TMEM132B: variants seen among roughly 807,000 people sequenced by gnomAD.
TMEM132B encodes the protein transmembrane protein 132B.
In TMEM132B, 18 loss-of-function variants were observed where a neutral mutation model predicts 90.8. The observed-to-expected ratio is 0.20, with a 90% CI of 0.14 to 0.29. The LOEUF (loss-of-function observed/expected upper bound fraction) is 0.29. Among genes scored for constraint, TMEM132B ranks in the 10% least tolerant of loss-of-function variants. The pLI, the probability that TMEM132B is intolerant of heterozygous loss-of-function variation, is 1.00. For synonymous variants in TMEM132B, 504 were observed against 523.3 expected (o/e 0.96, Z 0.50); for missense variants, 1,096 against 1,326.8 (o/e 0.83, Z 2.70).
intron 5 of TMEM132B, among the ~76,000 whole-genome samples, chr12:125,590,250 A>G (rs1885286144): frequency 6.6e-6 from 1 of 152,184 alleles, no homozygotes; most frequent in Admixed American, 6.5e-5. Flanking sequence ...ATGGCCTAAC[A>G]CAACGTCCAC....
At chr12:125,342,059 C>A (rs1283032116) in intron 1 of TMEM132B, among the ~76,000 whole-genome samples, 3 of 152,160 alleles carry the variant, frequency 2.0e-5, no homozygotes, top group Non-Finnish European at 4.4e-5. Flanking sequence ...AACTATAATA[C>A]CTAGGTGTTT....
chr12:125,420,150 G>A (rs1880129446), intron 3 of TMEM132B, among the ~76,000 whole-genome samples: 1 of 152,218 alleles, frequency 6.6e-6, no homozygotes, highest in Non-Finnish European at 1.5e-5. Flanking sequence ...GGGTCAGGAG[G>A]ACAGTAGCCC....
intron 1 of TMEM132B, among the ~76,000 whole-genome samples, chr12:125,220,007 T>G (rs546249120): frequency 3.9e-5 from 6 of 152,358 alleles, no homozygotes; most frequent in African/African-American, 1.4e-4. Flanking sequence ...CTCATTTGAT[T>G]TTCATGACAG....
At chr12:125,367,045 A>T (rs1425152656) in intron 2 of TMEM132B, among the ~76,000 whole-genome samples, 1 of 152,004 alleles carries the variant, frequency 6.6e-6, no homozygotes, top group Non-Finnish European at 1.5e-5. Flanking sequence ...TTGTTTGCTG[A>T]GTTTTCATGG....
chr12:125,324,973 C>T (rs938916553), intron 1 of TMEM132B, among the ~76,000 whole-genome samples: 7 of 152,174 alleles, frequency 4.6e-5, no homozygotes, highest in African/African-American at 1.7e-4. Context: ...CCAGTTCCTG[C>T]TCTGGGCCCC....
In TMEM132B at chr12:125,654,020, C is replaced by G. The variant is rs187755188; in HGVS notation, c.2562C>G (p.Thr854=). 1 of 1,614,018 alleles carries G rather than the reference C, an allele frequency of 6.2e-7. No individual in the cohort carries two copies. The highest frequency in any genetic ancestry group is 8.5e-7 in the Non-Finnish European group (1 of 1,180,034). ...AGGAAAGTACCAACAAAAGCACAAC[C>G]CCCCAGTCTCCCATGGAAGGGAAGA... ...GQEESTNKST[T]PQSPMEGKNK... Residue 854 remains threonine (T), a synonymous_variant, in exon 9 of 9, where the codon ACC becomes ACG. Transcript: ENST00000682704. The surrounding 1 kb of genome is among the most constrained non-coding windows in gnomAD (Gnocchi z 5.8).
chr12:125,555,835 A>G (rs928413867), intron 4 of TMEM132B, among the ~76,000 whole-genome samples: 2 of 152,218 alleles, frequency 1.3e-5, no homozygotes, highest in African/African-American at 2.4e-5. Flanking sequence ...ACGTTTATAT[A>G]TCTAAAATAA....
intron 1 of TMEM132B, among the ~76,000 whole-genome samples, chr12:125,324,645 A>G (rs914572042): frequency 6.6e-6 from 1 of 152,088 alleles, no homozygotes; most frequent in African/African-American, 2.4e-5. Context: ...CCCAAACCCT[A>G]TTGTGAACTG....
rs1043607 is a variant in TMEM132B, at chr12:125,658,800, G to C, written c.*4090G>C. On this transcript the variant is annotated 3_prime_UTR_variant, in exon 9 of 9. Coordinates refer to ENST00000682704, the MANE Select transcript of TMEM132B (RefSeq NM_001366854.1). ...TAGTGGGAAAAACATTTGAGACCTAGTAACATCATGAAATGCACTGAATTT... is the reference window on the plus strand; with the variant it reads ...TAGTGGGAAAAACATTTGAGACCTACTAACATCATGAAATGCACTGAATTT... 6.6e-6 allele frequency: 1 copy of C among 151,966 alleles called. No homozygotes were observed. The highest frequency in any genetic ancestry group is 2.4e-5 in the African/African-American group (1 of 41,344). The allele number at this position is 151,966 out of a possible 1,614,324, so 9.4% of individuals were successfully genotyped here. A position where few individuals can be genotyped will look rare whatever the true frequency, so the allele number is the denominator to read the frequency against.
chr12:125,236,931 G>A (rs148229502), intron 1 of TMEM132B, among the ~76,000 whole-genome samples: 93 of 152,358 alleles, frequency 6.1e-4, no homozygotes, highest in African/African-American at 2.1e-3. Flanking sequence ...AGGATGGTGC[G>A]GGAGCAGGAG....
chr12:125,238,363 A>C (rs1313049627), intron 1 of TMEM132B, among the ~76,000 whole-genome samples: 12 of 132,430 alleles, frequency 9.1e-5, no homozygotes, highest in African/African-American at 2.4e-4. Context: ...AAAAAAAAAA[A>C]ACCAAAAAAA....
intron 1 of TMEM132B, among the ~76,000 whole-genome samples, chr12:125,257,052 C>G (rs1463564998): frequency 6.6e-6 from 1 of 152,124 alleles, no homozygotes; most frequent in African/African-American, 2.4e-5. Context: ...GTGGCTTATG[C>G]CTGTAATCCC....
At chr12:125,580,024 G>C (rs537895838) in intron 4 of TMEM132B, among the ~76,000 whole-genome samples, 1 of 152,170 alleles carries the variant, frequency 6.6e-6, no homozygotes, top group Admixed American at 6.5e-5. Flanking sequence ...GGTTAGCTTG[G>C]TGGTCAGCCA....
chr12:125,623,711 A>T (rs1266418306), intron 5 of TMEM132B, among the ~76,000 whole-genome samples: 1 of 152,194 alleles, frequency 6.6e-6, no homozygotes, highest in Non-Finnish European at 1.5e-5. Context: ...TATTTTGCAG[A>T]TGAGTCAGTC....
intron 3 of TMEM132B, among the ~76,000 whole-genome samples, chr12:125,507,968 A>G (rs112039073): frequency 0.011 from 1,731 of 152,260 alleles, 11 homozygotes; most frequent in Middle Eastern, 0.034. Flanking sequence ...TAGGGCAGAA[A>G]CAGTAGATGC....
chr12:125,271,951 A>G (rs976798781), intron 1 of TMEM132B, among the ~76,000 whole-genome samples: 1 of 152,168 alleles, frequency 6.6e-6, no homozygotes, highest in African/African-American at 2.4e-5. Flanking sequence ...ACTTGCCATA[A>G]ATAGCCAGAA....
chr12:125,350,548 G>C (rs1219600449), intron 2 of TMEM132B, among the ~76,000 whole-genome samples: 2 of 152,226 alleles, frequency 1.3e-5, no homozygotes, highest in Non-Finnish European at 2.9e-5. Context: ...TATGATCTGT[G>C]TGTTTTAAAG....
At chr12:125,457,085 G>A (rs1881311494) in intron 3 of TMEM132B, among the ~76,000 whole-genome samples, 1 of 152,072 alleles carries the variant, frequency 6.6e-6, no homozygotes, top group Non-Finnish European at 1.5e-5. Flanking sequence ...CCTGCCCTTC[G>A]AAAGCTCAGG....
chr12:125,506,999 C>T (rs1287970781), intron 3 of TMEM132B, among the ~76,000 whole-genome samples: 1 of 152,252 alleles, frequency 6.6e-6, no homozygotes, highest in Non-Finnish European at 1.5e-5. Context: ...GAGGGAAACT[C>T]CTTTGCAGGA....
Sources: gnomAD v4.1 joint callset for allele counts (sites outside exome capture counted in the v4.1 genomes callset) on GRCh38, gnomAD v4.1.1 for gene constraint, Gnocchi (gnomAD v3.1) non-coding constraint, MANE v1.5 for transcripts, NCBI Gene and HGNC (gene_info 2026-07-23, HGNC 2026-07-21) for gene names.